The following AASDH variants were observed in gnomAD, a reference collection of about 807,000 sequenced individuals.
AASDH encodes beta-alanine-activating enzyme.
Under a neutral mutation model 102.3 loss-of-function variants are expected in AASDH, and 81 were observed. The ratio of observed to expected loss-of-function variants is 0.79; its 90% CI spans 0.66 to 0.95. The LOEUF is 0.95. Ranked by LOEUF, AASDH falls within the 40% of genes least tolerant of loss-of-function variation. The probability of loss-of-function intolerance (pLI) is 0.00; values close to 1 mark genes in which losing one functional copy is unlikely to be tolerated. For synonymous variants in AASDH, 398 were observed against 454.0 expected (o/e 0.88, Z 1.57); for missense variants, 1,203 against 1,266.2 (o/e 0.95, Z 0.76).
chr4:56,342,866 T>C lies in AASDH; in HGVS notation c.2876A>G (p.Asn959Ser), dbSNP rs760141908. Residue 959 changes from asparagine (N) to serine (S), a missense_variant, in exon 14 of 15, where the codon AAT (asparagine) becomes AGT (serine). Transcript: ENST00000205214. The part of the protein sequence containing the change: ...QYICIGCVDG[N>S]LLCFTHFGEQ... ...TCCAAAGTGAGTAAAGCAGAGTAAA[T>C]TCCCATCTACACAGCCAATACAAAT... 6.6e-7 allele frequency: 1 copy of C among 1,523,278 alleles called. No individual in the cohort carries two copies. Among genetic ancestry groups the C allele is most frequent in the Non-Finnish European group, 8.8e-7 (1 of 1,132,432 alleles). 94.4% of individuals were successfully genotyped at this position (1,523,278 alleles called of 1,614,324 possible).
intron 1 of AASDH, among the ~76,000 whole-genome samples, chr4:56,385,424 T>C (rs969986205): frequency 2.6e-5 from 4 of 152,198 alleles, no homozygotes; most frequent in African/African-American, 7.2e-5. Context: ...CTGGGTTTCT[T>C]AATGCAGATT....
rs560152907 is a variant in AASDH, at chr4:56,353,961, C to A, written c.1383+78G>T. On this transcript the variant is annotated intron_variant, in intron 8 of 14. Transcript: ENST00000205214. ...AATGTCAGGTGTAAATAATAGAGAC[C>A]CCAGCACAGAAAATTGGTGGTGGCT... is the stretch of plus-strand genomic sequence containing the variant. The A allele has an allele frequency of 2.0e-5, 26 of 1,332,412 alleles. No homozygotes were observed. In the African/African-American group the frequency reaches 3.6e-4, roughly 18 times the overall value. 82.5% of individuals were successfully genotyped at this position (1,332,412 alleles called of 1,614,324 possible). A position where few individuals can be genotyped will look rare whatever the true frequency, so the allele number is the denominator to read the frequency against.
intron 11 of AASDH, among the ~76,000 whole-genome samples, chr4:56,347,248 C>A (rs1200814375): frequency 6.6e-6 from 1 of 152,122 alleles, no homozygotes; most frequent in African/African-American, 2.4e-5. Context: ...CTTTGGGAAA[C>A]AATTCAGCAG....
At chr4:56,376,019 C>CTTT (rs67950154) in intron 4 of AASDH, among the ~76,000 whole-genome samples, 2,448 of 106,690 alleles carry the variant, frequency 0.023, 96 homozygotes, top group Admixed American at 0.061. Flanking sequence ...AACCGCTCAT[C>CTTT]TTTTTTTTTT....
chr4:56,373,712 G>A (rs990338269), intron 4 of AASDH, among the ~76,000 whole-genome samples: 3 of 152,082 alleles, frequency 2.0e-5, no homozygotes, highest in Admixed American at 6.5e-5. Flanking sequence ...TCCTACTTAG[G>A]TATTCAGGGG....
chr4:56,356,730 C>A, intron 5 of AASDH: 2 of 711,516 alleles, frequency 2.8e-6, no homozygotes, highest in Non-Finnish European at 5.1e-6. Flanking sequence ...AGACCTGTAC[C>A]ACTGTCGCCT....
At position 56,355,149 on chromosome 4, in the gene AASDH, C is replaced by A. The variant is rs373416911; in HGVS notation, c.1103+33G>T. Reference sequence around the variant, plus strand: ...TTAAGATCCTAGAAATATACAGTCTCTCTTCTCTATATAGTACAATGAAAA... The same window carrying A: ...TTAAGATCCTAGAAATATACAGTCTATCTTCTCTATATAGTACAATGAAAA... On this transcript the variant is annotated intron_variant, in intron 6 of 14. Coordinates refer to ENST00000205214, the MANE Select transcript of AASDH (RefSeq NM_181806.4). The A allele has an allele frequency of 1.4e-4, 215 of 1,591,682 alleles. No individual in the cohort carries two copies. In the African/African-American group the frequency reaches 2.8e-3, roughly 21 times the overall value.
intron 3 of AASDH, 52 bp downstream of exon 3, chr4:56,382,425 A>C (rs12645138): frequency 3.4e-6 from 5 of 1,456,574 alleles, no homozygotes; most frequent in South Asian, 1.3e-5. Context: ...GGAATGTTTC[A>C]ATTGAAATAA....
Position 56,338,637 on chromosome 4 carries a change from T to C in AASDH, c.3062A>G (p.Tyr1021Cys), listed in dbSNP as rs778799153. The change falls in exon 15 of 15, where the codon TAT becomes TGT. Residue 1021 changes from tyrosine to cysteine, a missense_variant. Transcript: ENST00000205214. ...GTTATGGAAAGCAAACGGTGTTGCA[T>C]AGACCCTTGAAGTAGTTTCAAATTT... ...QWKFETTSRV[Y>C]ATPFAFHNYN... The C allele has an allele frequency of 5.7e-5, 92 of 1,614,222 alleles. No homozygotes were observed. Among genetic ancestry groups the C allele is most frequent in the Non-Finnish European group, 5.6e-5 (66 of 1,180,036 alleles).
At chr4:56,349,058 T>A in intron 11 of AASDH, 1 of 589,866 alleles carries the variant, frequency 1.7e-6, no homozygotes, top group Admixed American at 3.2e-5. Context: ...GGTCACAGAG[T>A]TCATAATAGC....
intron 5 of AASDH, among the ~76,000 whole-genome samples, chr4:56,369,247 A>T (rs1489074366): frequency 1.3e-5 from 2 of 152,226 alleles, no homozygotes; most frequent in African/African-American, 4.8e-5. Context: ...GATGAGATTT[A>T]AAGAGGTAGA....
rs1347581202 is a variant in AASDH at position 56,349,388 on chromosome 4, C to A, written c.2363G>T (p.Gly788Val). Residue 788 changes from glycine to valine, a missense_variant, in exon 11 of 15, where the codon GGT (glycine) becomes GTT (valine). By Grantham distance (109) the Gly-to-Val change is moderately radical. Transcript: ENST00000205214. Reference sequence around the variant, plus strand: ...TGCCTTCATTCTATGAGAATGGGAACCAATGTACACAGTTGTAGATGACTT... The same window carrying A: ...TGCCTTCATTCTATGAGAATGGGAAACAATGTACACAGTTGTAGATGACTT... ...FDKSSTTVYIGSHSHRMKAVD... is the reference protein window; with the variant it reads ...FDKSSTTVYIVSHSHRMKAVD... The A allele has an allele frequency of 6.2e-7, 1 of 1,614,162 alleles. No homozygotes were observed. Among genetic ancestry groups the A allele is most frequent in the Non-Finnish European group, 8.5e-7 (1 of 1,180,030 alleles).
intron 5 of AASDH, among the ~76,000 whole-genome samples, chr4:56,369,731 G>A (rs1475588255): frequency 2.0e-5 from 3 of 152,044 alleles, no homozygotes; most frequent in African/African-American, 7.2e-5. Flanking sequence ...CAGGAGGCCA[G>A]GAGTTCAAGA....
intron 5 of AASDH, chr4:56,356,856 G>A (rs1749700768): frequency 3.3e-6 from 3 of 900,898 alleles, no homozygotes; most frequent in Admixed American, 3.5e-5. Flanking sequence ...GCAATGTCCT[G>A]GCTCCCAAGT....
intron 3 of AASDH, among the ~76,000 whole-genome samples, chr4:56,379,412 G>T (rs538944461): frequency 6.6e-6 from 1 of 152,138 alleles, no homozygotes; most frequent in Non-Finnish European, 1.5e-5. Context: ...GATTATAGGC[G>T]TGGGCCCCAA....
chr4:56,367,695 T>C (rs1751185536), intron 5 of AASDH, among the ~76,000 whole-genome samples: 1 of 142,020 alleles, frequency 7.0e-6, no homozygotes, highest in South Asian at 2.4e-4. Flanking sequence ...ATCCCTTCCT[T>C]ACACCTTATA....
At chr4:56,370,811 TA>T (rs1751605030) in intron 5 of AASDH, among the ~76,000 whole-genome samples, 2 of 152,216 alleles carry the variant, frequency 1.3e-5, no homozygotes, top group Non-Finnish European at 2.9e-5. Flanking sequence ...CATTTACAGA[TA>T]AAACCTGAGG....
At chr4:56,385,604 TTTTG>T (rs1753455575) in intron 1 of AASDH, among the ~76,000 whole-genome samples, 3 of 152,198 alleles carry the variant, frequency 2.0e-5, no homozygotes, top group South Asian at 2.1e-4. Flanking sequence ...TCAGTAAAGT[TTTTG>T]TTTGTTTTTG....
intron 8 of AASDH, 64 bp from the exon 9 acceptor site, chr4:56,353,660 AT>A: frequency 2.9e-6 from 4 of 1,376,620 alleles, no homozygotes; most frequent in South Asian, 1.3e-5. Context: ...CTAAAAGCTT[AT>A]TTTTTTAATG....
Sources: gnomAD v4.1 joint callset for allele counts (sites outside exome capture counted in the v4.1 genomes callset) on GRCh38, gnomAD v4.1.1 for gene constraint, MANE v1.5 for transcripts, NCBI Gene and HGNC (gene_info 2026-07-23, HGNC 2026-07-21) for gene names.